The following SNTG1 variants were observed in gnomAD, a reference collection of about 807,000 sequenced individuals.
SNTG1 encodes syntrophin gamma 1.
Under a neutral mutation model 74.7 loss-of-function variants are expected in SNTG1, and 39 were observed. The observed-to-expected ratio is 0.52, with a 90% CI of 0.40 to 0.68. The LOEUF (loss-of-function observed/expected upper bound fraction) is 0.68, where lower values mean the gene tolerates loss of function less well. Ranked by LOEUF, SNTG1 falls within the 30% of genes least tolerant of loss-of-function variation. The pLI, the probability that SNTG1 is intolerant of heterozygous loss-of-function variation, is 0.00. For missense variants in SNTG1, 685 were observed against 609.5 expected, an observed-to-expected ratio of 1.12 and a Z score of -1.30; for synonymous variants, 254 against 217.1, an observed-to-expected ratio of 1.17 and a Z score of -1.49.
At chr8:50,080,447 A>G (rs980262823) in intron 1 of SNTG1, among the ~76,000 whole-genome samples, 19 of 152,162 alleles carry the variant, frequency 1.2e-4, no homozygotes, top group African/African-American at 4.1e-4. Flanking sequence ...AAGGTTTAGC[A>G]CATTCACATT....
intron 18 of SNTG1, among the ~76,000 whole-genome samples, chr8:50,781,531 G>C (rs1342986618): frequency 1.3e-5 from 2 of 152,124 alleles, no homozygotes; most frequent in Non-Finnish European, 2.9e-5. Flanking sequence ...TGCAACTGCT[G>C]CCTTTTTTTG....
At chr8:50,610,271 G>A (rs1210272204) in intron 13 of SNTG1, among the ~76,000 whole-genome samples, 1 of 151,982 alleles carries the variant, frequency 6.6e-6, no homozygotes, top group Non-Finnish European at 1.5e-5. Flanking sequence ...CCAATGATTT[G>A]GAAGGAGGTT....
At chr8:50,030,012 T>G (rs1817613921) in intron 1 of SNTG1, among the ~76,000 whole-genome samples, 1 of 152,156 alleles carries the variant, frequency 6.6e-6, no homozygotes, top group Non-Finnish European at 1.5e-5. Flanking sequence ...CAGCATTTTT[T>G]ATTGCTTACC....
At chr8:50,409,132 G>C (rs568194584) in intron 4 of SNTG1, among the ~76,000 whole-genome samples, 83 of 152,306 alleles carry the variant, frequency 5.4e-4, no homozygotes, top group Middle Eastern at 6.8e-3. Context: ...TAGCTCCTCA[G>C]AGGCTTCAGG....
intron 1 of SNTG1, among the ~76,000 whole-genome samples, chr8:50,145,690 A>G (rs2131498270): frequency 1.3e-5 from 2 of 152,302 alleles, no homozygotes; most frequent in South Asian, 4.1e-4. Flanking sequence ...CACCCGACAA[A>G]GTTTAGGGAA....
intron 13 of SNTG1, among the ~76,000 whole-genome samples, chr8:50,625,920 G>A (rs991921318): frequency 2.0e-5 from 3 of 152,122 alleles, no homozygotes; most frequent in Non-Finnish European, 4.4e-5. Context: ...AACTCCTTTT[G>A]GAAGATGGAC....
chr8:50,329,737 T>C (rs1002750404), intron 2 of SNTG1, among the ~76,000 whole-genome samples: 4 of 152,098 alleles, frequency 2.6e-5, no homozygotes, highest in African/African-American at 9.7e-5. Context: ...ATTTTTCCCA[T>C]TGTCTTAGTG....
intron 9 of SNTG1, among the ~76,000 whole-genome samples, chr8:50,516,463 G>A (rs1373875085): frequency 6.6e-6 from 1 of 152,142 alleles, no homozygotes; most frequent in Admixed American, 6.5e-5. Flanking sequence ...ATTGACAGTA[G>A]TAGTCTTCAG....
chr8:50,687,896 T>C (rs2095359721), intron 15 of SNTG1, among the ~76,000 whole-genome samples: 1 of 152,310 alleles, frequency 6.6e-6, no homozygotes, highest in East Asian at 1.9e-4. Context: ...TTCCTATTTC[T>C]CCACATCCTC....
intron 17 of SNTG1, among the ~76,000 whole-genome samples, chr8:50,723,806 G>A (rs2095493372): frequency 6.6e-6 from 1 of 152,012 alleles, no homozygotes; most frequent in East Asian, 1.9e-4. Context: ...AAAGGAGAAA[G>A]GTATTGACAG....
chr8:50,101,132 T>C (rs2080107706), intron 1 of SNTG1, among the ~76,000 whole-genome samples: 1 of 152,276 alleles, frequency 6.6e-6, no homozygotes, highest in African/African-American at 2.4e-5. Context: ...TATGGCTGCA[T>C]AGTATTCCAT....
intron 13 of SNTG1, among the ~76,000 whole-genome samples, chr8:50,609,856 C>T (rs973256963): frequency 3.3e-5 from 5 of 151,860 alleles, no homozygotes; most frequent in Non-Finnish European, 7.4e-5. Context: ...ATTTCTGTTT[C>T]TCTATTGAAG....
At chr8:50,016,544 C>A (rs1816331946) in intron 1 of SNTG1, among the ~76,000 whole-genome samples, 1 of 152,046 alleles carries the variant, frequency 6.6e-6, no homozygotes, top group Non-Finnish European at 1.5e-5. Context: ...GCTCTTGTCT[C>A]CTTTGCAAAG....
At chr8:50,058,674 G>A (rs1266424677) in intron 1 of SNTG1, among the ~76,000 whole-genome samples, 4 of 151,918 alleles carry the variant, frequency 2.6e-5, no homozygotes, top group South Asian at 4.2e-4. Context: ...ATAAAGCAAC[G>A]AGGATACTGA....
chr8:50,080,639 G>GTT (rs1286545783), intron 1 of SNTG1, among the ~76,000 whole-genome samples: 1 of 152,068 alleles, frequency 6.6e-6, no homozygotes, highest in Non-Finnish European at 1.5e-5. Flanking sequence ...GTTGGTTTAT[G>GTT]TTAGGGGTTG....
chr8:50,216,932 C>G (rs1287187376), intron 2 of SNTG1, among the ~76,000 whole-genome samples: 1 of 151,694 alleles, frequency 6.6e-6, no homozygotes, highest in Non-Finnish European at 1.5e-5. Flanking sequence ...CAGATAGTAT[C>G]CTGTTAATAT....
chr8:50,293,979 C>T (rs760083164), intron 2 of SNTG1, among the ~76,000 whole-genome samples: 63 of 151,982 alleles, frequency 4.1e-4, no homozygotes, highest in Non-Finnish European at 5.6e-4. Flanking sequence ...CTGGAAAGAA[C>T]GTCTTATCAA....
At chr8:50,730,985 CATT>C (rs1252127605) in intron 17 of SNTG1, among the ~76,000 whole-genome samples, 1 of 152,152 alleles carries the variant, frequency 6.6e-6, no homozygotes, top group Non-Finnish European at 1.5e-5. Flanking sequence ...AATAGTCAGA[CATT>C]ATTACTTCTA....
At chr8:50,411,303 C>T (rs556918026) in intron 4 of SNTG1, among the ~76,000 whole-genome samples, 72 of 151,848 alleles carry the variant, frequency 4.7e-4, no homozygotes, top group Admixed American at 9.2e-4. Flanking sequence ...AAAAAATTAG[C>T]CAGGCATGGT....
Sources: gnomAD v4.1 joint callset for allele counts (sites outside exome capture counted in the v4.1 genomes callset) on GRCh38, gnomAD v4.1.1 for gene constraint, MANE v1.5 for transcripts, NCBI Gene and HGNC (gene_info 2026-07-23, HGNC 2026-07-21) for gene names.